Variants in XKR6 observed in about 807,000 individuals in gnomAD.
XKR6 encodes the protein XK related 6, also known as XK-related protein 6.
In XKR6, 22 loss-of-function variants were observed where a neutral mutation model predicts 56.7. That is an observed-to-expected ratio of 0.39 (90% CI 0.28 to 0.55). The LOEUF (loss-of-function observed/expected upper bound fraction) is 0.55, where lower values mean the gene tolerates loss of function less well. Ranked by LOEUF, XKR6 falls within the 20% of genes least tolerant of loss-of-function variation. The pLI, the probability that XKR6 is intolerant of heterozygous loss-of-function variation, is 0.66. For missense variants in XKR6, 852 were observed against 889.0 expected (o/e 0.96, Z 0.53); for synonymous variants, 524 against 387.8 (o/e 1.35, Z -4.13).
intron 2 of XKR6, among the ~76,000 whole-genome samples, chr8:10,900,380 G>A (rs1005116011): frequency 3.9e-5 from 6 of 152,272 alleles, no homozygotes; most frequent in South Asian, 4.1e-4. Context: ...TCTCTGCCAC[G>A]TGACACTCTC....
At chr8:11,040,514 C>T (rs1325867247) in intron 1 of XKR6, among the ~76,000 whole-genome samples, 1 of 152,026 alleles carries the variant, frequency 6.6e-6, no homozygotes, top group African/African-American at 2.4e-5. Context: ...CCTGGGTGAC[C>T]GTGCAATCCT....
At chr8:11,098,047 G>C (rs1476824472) in intron 1 of XKR6, among the ~76,000 whole-genome samples, 1 of 152,142 alleles carries the variant, frequency 6.6e-6, no homozygotes, top group Non-Finnish European at 1.5e-5. Flanking sequence ...AGCATACACT[G>C]TTGTGAAAGT....
chr8:10,938,076 G>A (rs1035906521), intron 1 of XKR6, among the ~76,000 whole-genome samples: 32 of 152,200 alleles, frequency 2.1e-4, no homozygotes, highest in Non-Finnish European at 3.8e-4. Flanking sequence ...AGGACCCTCC[G>A]AGCCAAGTGT....
At chr8:11,077,340 T>C (rs1231389069) in intron 1 of XKR6, among the ~76,000 whole-genome samples, 1 of 152,128 alleles carries the variant, frequency 6.6e-6, no homozygotes, top group Non-Finnish European at 1.5e-5. Context: ...GTGTGGACAC[T>C]CATGGCCCCT....
At chr8:11,163,807 G>C (rs1187226134) in intron 1 of XKR6, among the ~76,000 whole-genome samples, 1 of 152,116 alleles carries the variant, frequency 6.6e-6, no homozygotes, top group Non-Finnish European at 1.5e-5. Flanking sequence ...GGCAAAGAGA[G>C]TAGAGTAGCT....
intron 1 of XKR6, among the ~76,000 whole-genome samples, chr8:11,150,370 A>G (rs1349348320): frequency 6.6e-6 from 1 of 152,218 alleles, no homozygotes. Context: ...TCATGTATCA[A>G]TTTTTAAAAC....
chr8:11,108,740 G>A (rs1463526193), intron 1 of XKR6: 4 of 194,382 alleles, frequency 2.1e-5, no homozygotes, highest in Admixed American at 6.0e-5. Flanking sequence ...ACAGATGGGC[G>A]CGAGAACAGA....
chr8:11,176,893 C>T (rs527682626), intron 1 of XKR6, among the ~76,000 whole-genome samples: 1 of 152,204 alleles, frequency 6.6e-6, no homozygotes, highest in Non-Finnish European at 1.5e-5. Context: ...ACCAGAGCAA[C>T]AGAATCCAGC....
At chr8:10,940,380 G>A (rs530219703) in intron 1 of XKR6, among the ~76,000 whole-genome samples, 2 of 152,280 alleles carry the variant, frequency 1.3e-5, no homozygotes, top group African/African-American at 4.8e-5. Context: ...AGTAGTCACT[G>A]TGGACAACCT....
At chr8:11,103,296 C>T (rs1157808703) in intron 1 of XKR6, among the ~76,000 whole-genome samples, 1 of 152,102 alleles carries the variant, frequency 6.6e-6, no homozygotes, top group Non-Finnish European at 1.5e-5. Context: ...AAGCAATGCT[C>T]CAACACCTGC....
At chr8:11,191,025 G>GT (rs757677139) in intron 1 of XKR6, among the ~76,000 whole-genome samples, 1 of 152,162 alleles carries the variant, frequency 6.6e-6, no homozygotes, top group Non-Finnish European at 1.5e-5. Flanking sequence ...TTTACTGCAA[G>GT]TATCACACAC....
intron 1 of XKR6, among the ~76,000 whole-genome samples, chr8:11,036,974 C>A (rs1479753412): frequency 6.6e-6 from 1 of 152,180 alleles, no homozygotes. Flanking sequence ...CTTGAGAAGC[C>A]CCCTAGATCG....
At chr8:10,979,297 T>C (rs941031944) in intron 1 of XKR6, among the ~76,000 whole-genome samples, 6 of 151,586 alleles carry the variant, frequency 4.0e-5, no homozygotes, top group African/African-American at 1.5e-4. Flanking sequence ...AAAGAACACA[T>C]AAGTTAACCG....
At chr8:11,049,761 A>G (rs1173686684) in intron 1 of XKR6, among the ~76,000 whole-genome samples, 4 of 152,202 alleles carry the variant, frequency 2.6e-5, no homozygotes, top group African/African-American at 9.7e-5. Flanking sequence ...AAGAAGAAGA[A>G]AAAAAAGTTA....
chr8:10,918,924 C>G (rs1039173507), intron 2 of XKR6, among the ~76,000 whole-genome samples: 1 of 152,214 alleles, frequency 6.6e-6, no homozygotes, highest in African/African-American at 2.4e-5. Flanking sequence ...CACACCTGGC[C>G]CACCACAGCC....
At chr8:11,018,276 C>A (rs762408437) in intron 1 of XKR6, among the ~76,000 whole-genome samples, 9 of 152,052 alleles carry the variant, frequency 5.9e-5, no homozygotes, top group African/African-American at 1.2e-4. Flanking sequence ...TCAAGAAGCC[C>A]GGTTCATACC....
intron 1 of XKR6, among the ~76,000 whole-genome samples, chr8:10,950,266 C>T (rs767599412): frequency 2.6e-5 from 4 of 152,218 alleles, no homozygotes; most frequent in Non-Finnish European, 5.9e-5. Context: ...GTGCTCCCAG[C>T]CCCCGGCCTC....
At chr8:11,092,535 A>G (rs1304691891) in intron 1 of XKR6, among the ~76,000 whole-genome samples, 1 of 152,174 alleles carries the variant, frequency 6.6e-6, no homozygotes, top group African/African-American at 2.4e-5. Context: ...AAAGCTCTGC[A>G]GTGGGGACAG....
intron 1 of XKR6, among the ~76,000 whole-genome samples, chr8:11,145,932 C>G (rs1800959547): frequency 6.6e-6 from 1 of 152,092 alleles, no homozygotes; most frequent in South Asian, 2.1e-4. Flanking sequence ...ACTTACATGA[C>G]TTCAAGACTT....
Sources: gnomAD v4.1 joint callset for allele counts (sites outside exome capture counted in the v4.1 genomes callset) on GRCh38, gnomAD v4.1.1 for gene constraint, MANE v1.5 for transcripts, NCBI Gene and HGNC (gene_info 2026-07-23, HGNC 2026-07-21) for gene names.